NELL1: variants seen among roughly 807,000 people sequenced by gnomAD.
The protein encoded by NELL1 is protein kinase C-binding protein NELL1.
NELL1 carries 76 observed loss-of-function variants against 107.4 expected under a neutral mutation model. That is an observed-to-expected ratio of 0.71 (90% CI 0.59 to 0.86). NELL1 has a LOEUF of 0.86. NELL1 is among the 40% of genes least tolerant of loss of function. The probability of loss-of-function intolerance (pLI) is 0.00; values close to 1 mark genes in which losing one functional copy is unlikely to be tolerated. For synonymous variants in NELL1, 353 were observed against 341.2 expected (o/e 1.03, Z -0.38); for missense variants, 1,024 against 1,005.5 (o/e 1.02, Z -0.25).
intron 12 of NELL1, among the ~76,000 whole-genome samples, chr11:21,060,886 C>T (rs987466789): frequency 2.0e-5 from 3 of 152,116 alleles, no homozygotes; most frequent in Non-Finnish European, 4.4e-5. Context: ...CAGGTGTGCA[C>T]CACTATGCCT....
intron 2 of NELL1, among the ~76,000 whole-genome samples, chr11:20,755,540 G>GTTTTTTT (rs1463795241): frequency 5.2e-5 from 1 of 19,150 alleles, no homozygotes; most frequent in African/African-American, 9.7e-5. Flanking sequence ...GTGGGTTTTT[G>GTTTTTTT]TTTTTTTTTG....
intron 3 of NELL1, among the ~76,000 whole-genome samples, chr11:20,789,876 G>C (rs1485642245): frequency 1.3e-5 from 2 of 152,062 alleles, no homozygotes; most frequent in African/African-American, 4.8e-5. Flanking sequence ...AGGCCCTAGA[G>C]TGGGTGGCTT....
intron 15 of NELL1, among the ~76,000 whole-genome samples, chr11:21,410,006 TAAA>T: frequency 6.6e-6 from 1 of 152,198 alleles, no homozygotes; most frequent in African/African-American, 2.4e-5. Context: ...TTATTTATGT[TAAA>T]AATAATTTTC....
chr11:21,550,123 G>T (rs1856540536), intron 16 of NELL1, among the ~76,000 whole-genome samples: 1 of 151,838 alleles, frequency 6.6e-6, no homozygotes, highest in African/African-American at 2.4e-5. Flanking sequence ...TATTTTGGCA[G>T]CCTTTACCTT....
Position 21,158,438 on chromosome 11 carries a change from C to T in NELL1, c.1426+44724C>T, listed in dbSNP as rs371144244. On this transcript the variant is annotated intron_variant, in intron 13 of 19. Coordinates refer to ENST00000357134, the MANE Select transcript of NELL1 (RefSeq NM_006157.5). ...GAGGCTTAAATGAGAGGATTAATTT[C>T]GTACTTAAAATGGTACCTTGCTATT... is the stretch of plus-strand genomic sequence containing the variant. 6.6e-5 allele frequency among the ~76,000 whole-genome samples: 10 copies of T among 152,294 alleles called. No homozygotes were observed. The East Asian group carries it at 1.2e-3, about 18-fold the overall frequency.
chr11:21,551,666 G>A (rs966214496), intron 16 of NELL1, among the ~76,000 whole-genome samples: 2 of 151,486 alleles, frequency 1.3e-5, no homozygotes, highest in African/African-American at 4.8e-5. Flanking sequence ...TGGAGAAATA[G>A]GAACACTTTT....
intron 15 of NELL1, among the ~76,000 whole-genome samples, chr11:21,454,064 G>A (rs2133862350): frequency 7.0e-6 from 1 of 143,364 alleles, no homozygotes; most frequent in East Asian, 2.0e-4. Context: ...ATCTCCCAAT[G>A]CTATCCTTCC....
At chr11:21,232,318 A>C (rs1858084196) in intron 14 of NELL1, among the ~76,000 whole-genome samples, 1 of 142,904 alleles carries the variant, frequency 7.0e-6, no homozygotes, top group South Asian at 2.3e-4. Flanking sequence ...GGACAGAGCA[A>C]CACTCCATCT....
intron 14 of NELL1, among the ~76,000 whole-genome samples, chr11:21,353,514 C>G (rs1200945163): frequency 1.3e-5 from 2 of 152,116 alleles, no homozygotes; most frequent in Non-Finnish European, 2.9e-5. Flanking sequence ...GGGATTTGAG[C>G]TTAAACCTTT....
intron 15 of NELL1, among the ~76,000 whole-genome samples, chr11:21,482,613 G>C (rs910500592): frequency 3.3e-5 from 5 of 152,044 alleles, no homozygotes; most frequent in Admixed American, 3.3e-4. Context: ...GATGGTTGTT[G>C]GAGAAATTTC....
chr11:20,693,440 A>G (rs929208133), intron 2 of NELL1, among the ~76,000 whole-genome samples: 9 of 152,008 alleles, frequency 5.9e-5, no homozygotes, highest in Non-Finnish European at 1.3e-4. Context: ...GTGCCTTTCC[A>G]CATTTAGTGC....
intron 15 of NELL1, chr11:21,383,747 T>C (rs989395807): frequency 1.3e-5 from 2 of 150,746 alleles, no homozygotes; most frequent in Non-Finnish European, 3.0e-5. Context: ...AAATTAGTTA[T>C]TGAGTGTTTC....
rs1284399493 is a variant in NELL1 at position 20,900,537 on chromosome 11, C to A, written c.603+14997C>A. Reference sequence around the variant, plus strand: ...AGTTTTACAGGGGAGTTGTAGCACACATCCAAGGAAATAATTCCAATCTTA... The same window carrying A: ...AGTTTTACAGGGGAGTTGTAGCACAAATCCAAGGAAATAATTCCAATCTTA... On this transcript the variant is annotated intron_variant, in intron 5 of 19. Coordinates refer to ENST00000357134, the MANE Select transcript of NELL1 (RefSeq NM_006157.5). Among the ~76,000 whole-genome samples the A allele has an allele frequency of 2.0e-5, 3 of 152,164 alleles. No homozygotes were observed. In the East Asian group the frequency reaches 5.8e-4, roughly 29 times the overall value.
intron 3 of NELL1, among the ~76,000 whole-genome samples, chr11:20,814,003 A>AT (rs1241678705): frequency 2.0e-5 from 3 of 150,762 alleles, no homozygotes; most frequent in East Asian, 1.9e-4. Flanking sequence ...TTATTTATTT[A>AT]TTTTTTTGTA....
Position 21,456,984 on chromosome 11 carries a change from A to AAAT in NELL1, c.1646-77388_1646-77386dup, listed in dbSNP as rs1255309326. 3.6e-5 allele frequency among the ~76,000 whole-genome samples: 5 copies of AAAT among 137,588 alleles called. No individual in the cohort carries two copies. In the South Asian group the frequency reaches 1.1e-3, roughly 30 times the overall value. 90.3% of individuals were successfully genotyped at this position (137,588 alleles called of 152,430 possible). A position where few individuals can be genotyped will look rare whatever the true frequency, so the allele number is the denominator to read the frequency against. On this transcript the variant is annotated intron_variant, in intron 15 of 19. Coordinates refer to ENST00000357134, the MANE Select transcript of NELL1 (RefSeq NM_006157.5). ...CTATATCCCTTAAGAAATTCCCTGG[A>AAAT]AATACACACACACACACACCACCCT...
chr11:21,167,569 T>G (rs1856513052), intron 13 of NELL1, among the ~76,000 whole-genome samples: 1 of 151,892 alleles, frequency 6.6e-6, no homozygotes, highest in African/African-American at 2.4e-5. Flanking sequence ...CTCCTAATCA[T>G]GAGGATCAGT....
At chr11:21,289,634 G>T (rs1197172574) in intron 14 of NELL1, among the ~76,000 whole-genome samples, 1 of 152,144 alleles carries the variant, frequency 6.6e-6, no homozygotes, top group Non-Finnish European at 1.5e-5. Flanking sequence ...TCATACTCCA[G>T]TGGCACCTGG....
chr11:21,055,469 T>TCC (rs1853590189), intron 12 of NELL1, among the ~76,000 whole-genome samples: 1 of 152,156 alleles, frequency 6.6e-6, no homozygotes, highest in African/African-American at 2.4e-5. Flanking sequence ...AACTTCTATA[T>TCC]CCCTTAATAA....
chr11:21,420,913 AG>A (rs1178122822), intron 15 of NELL1, among the ~76,000 whole-genome samples: 1 of 152,188 alleles, frequency 6.6e-6, no homozygotes, highest in Non-Finnish European at 1.5e-5. Flanking sequence ...TCAAAATAAA[AG>A]ACCCTTAGGT....
Sources: allele counts gnomAD v4.1 joint callset (sites outside exome capture counted in the v4.1 genomes callset), GRCh38; gene constraint gnomAD v4.1.1; transcripts MANE v1.5; gene names NCBI Gene and HGNC (gene_info 2026-07-23, HGNC 2026-07-21).